The following EFCAB6 variants were observed in gnomAD, a reference collection of about 807,000 sequenced individuals.
EFCAB6 encodes EF-hand calcium-binding domain-containing protein 6.
Under a neutral mutation model 169.8 loss-of-function variants are expected in EFCAB6, and 156 were observed. That is an observed-to-expected ratio of 0.92 (90% CI 0.81 to 1.05). EFCAB6 has a LOEUF of 1.05. EFCAB6 is among the 50% of genes least tolerant of loss of function. The pLI is 0.00. For synonymous variants in EFCAB6, 698 were observed against 676.4 expected (o/e 1.03, Z -0.50); for missense variants, 1,800 against 1,829.1 (o/e 0.98, Z 0.29).
chr22:43,632,808 C>T (rs1340738774), intron 18 of EFCAB6, among the ~76,000 whole-genome samples: 1 of 152,194 alleles, frequency 6.6e-6, no homozygotes, highest in Non-Finnish European at 1.5e-5. Flanking sequence ...ACAGACCGCA[C>T]TTGGCACCCT....
intron 26 of EFCAB6, among the ~76,000 whole-genome samples, chr22:43,562,881 G>A (rs942858490): frequency 1.3e-5 from 2 of 152,154 alleles, no homozygotes; most frequent in Admixed American, 6.5e-5. Context: ...GGTCACAGGT[G>A]GGAGGGCAGT....
At chr22:43,591,111 G>GTTTTTTTTTTTT (rs67053426) in intron 23 of EFCAB6, among the ~76,000 whole-genome samples, 1 of 131,088 alleles carries the variant, frequency 7.6e-6, no homozygotes, top group Non-Finnish European at 1.7e-5. Context: ...TTTGTTTTTT[G>GTTTTTTTTTTTT]TTTTTTTTTT....
At chr22:43,645,735 A>T (rs1485144352) in intron 17 of EFCAB6, among the ~76,000 whole-genome samples, 1 of 152,224 alleles carries the variant, frequency 6.6e-6, no homozygotes, top group East Asian at 1.9e-4. Flanking sequence ...AATGTATAAA[A>T]TTGGACTGCA....
intron 6 of EFCAB6, among the ~76,000 whole-genome samples, chr22:43,752,644 TAG>T (rs760777372): frequency 6.6e-6 from 1 of 152,118 alleles, no homozygotes; most frequent in Non-Finnish European, 1.5e-5. Flanking sequence ...CTCTTGTTTT[TAG>T]AGTCATATTG....
At chr22:43,808,838 A>G (rs756392733) in intron 2 of EFCAB6, among the ~76,000 whole-genome samples, 157 bp downstream of exon 2, 27 of 152,174 alleles carry the variant, frequency 1.8e-4, no homozygotes, top group Admixed American at 3.3e-4. Context: ...GGGATCCCCA[A>G]TGCTTAGGCA....
rs1044179486 is a variant in EFCAB6 at position 43,677,956 on chromosome 22, A to C, written c.1419+40T>G. ...ATTAGGAATACTGAAATTTCCCAACATAAAGAGAAAACCAAACAGGAAGTT... is the reference window on the plus strand; with the variant it reads ...ATTAGGAATACTGAAATTTCCCAACCTAAAGAGAAAACCAAACAGGAAGTT... On this transcript the variant is annotated intron_variant, in intron 13 of 31. Coordinates refer to ENST00000262726, the MANE Select transcript of EFCAB6 (RefSeq NM_022785.4). The C allele has an allele frequency of 4.4e-6, 7 of 1,584,776 alleles. No individual in the cohort carries two copies. The African/African-American group carries it at 6.8e-5, about 15-fold the overall frequency.
intron 11 of EFCAB6, among the ~76,000 whole-genome samples, chr22:43,686,841 C>T (rs1437698806): frequency 6.6e-6 from 1 of 152,098 alleles, no homozygotes; most frequent in Non-Finnish European, 1.5e-5. Flanking sequence ...ACAGGATACG[C>T]ATCAACATAA....
intron 28 of EFCAB6, among the ~76,000 whole-genome samples, chr22:43,539,025 C>T (rs952526088): frequency 6.6e-6 from 1 of 152,168 alleles, no homozygotes; most frequent in Non-Finnish European, 1.5e-5. Flanking sequence ...CTCTCCAAAG[C>T]CAGCAGTGTT....
chr22:43,571,711 T>G (rs1188744519), intron 26 of EFCAB6, among the ~76,000 whole-genome samples: 3 of 152,146 alleles, frequency 2.0e-5, no homozygotes, highest in Non-Finnish European at 4.4e-5. Context: ...GTGGTCTGTC[T>G]CTGCCACCAC....
At chr22:43,716,462 G>A (rs1202124987) in intron 9 of EFCAB6, among the ~76,000 whole-genome samples, 1 of 151,868 alleles carries the variant, frequency 6.6e-6, no homozygotes, top group African/African-American at 2.4e-5. Flanking sequence ...TAATTTTTCA[G>A]AAGAAAAAAT....
chr22:43,710,936 C>T (rs1158290688), intron 10 of EFCAB6, among the ~76,000 whole-genome samples: 1 of 152,124 alleles, frequency 6.6e-6, no homozygotes, highest in Non-Finnish European at 1.5e-5. Flanking sequence ...GCCCCCATAA[C>T]AAACAATCCA....
At chr22:43,539,370 C>T (rs1198516265) in intron 28 of EFCAB6, among the ~76,000 whole-genome samples, 1 of 152,220 alleles carries the variant, frequency 6.6e-6, no homozygotes, top group Non-Finnish European at 1.5e-5. Flanking sequence ...ACAAACTCCA[C>T]AAGAGCAGGA....
chr22:43,702,409 C>A (rs1421454495), intron 10 of EFCAB6, among the ~76,000 whole-genome samples: 1 of 152,200 alleles, frequency 6.6e-6, no homozygotes, highest in East Asian at 1.9e-4. Flanking sequence ...GCCTGAATCA[C>A]CTGTGTGATT....
chr22:43,731,828 C>T lies in EFCAB6; in HGVS notation c.645-17G>A. 6.8e-7 allele frequency: 1 copy of T among 1,475,174 alleles called. No individual in the cohort carries two copies. The highest frequency in any genetic ancestry group is 9.1e-7 in the Non-Finnish European group (1 of 1,095,076). 91.4% of individuals were successfully genotyped at this position (1,475,174 alleles called of 1,614,324 possible). A position where few individuals can be genotyped will look rare whatever the true frequency, so the allele number is the denominator to read the frequency against. ...TTCGAAAACCTAAAATACAAATGTT[C>T]TTTAGTAATGAGAAATTATGAATCT... On this transcript the variant is annotated splice_polypyrimidine_tract_variant and intron_variant, in intron 7 of 31. Transcript: ENST00000262726.
chr22:43,775,534 C>T (rs569357897), intron 3 of EFCAB6, among the ~76,000 whole-genome samples: 1 of 152,320 alleles, frequency 6.6e-6, no homozygotes, highest in South Asian at 2.1e-4. Flanking sequence ...CCTCCACCTC[C>T]TGGGTCCAGG....
intron 20 of EFCAB6, among the ~76,000 whole-genome samples, chr22:43,620,969 C>G (rs2147779772): frequency 6.6e-6 from 1 of 152,240 alleles, no homozygotes. Flanking sequence ...CAGACCATAT[C>G]CAGGGTCATA....
At chr22:43,754,760 T>C (rs975915317) in intron 6 of EFCAB6, among the ~76,000 whole-genome samples, 7 of 152,202 alleles carry the variant, frequency 4.6e-5, no homozygotes, top group South Asian at 2.1e-4. Context: ...GCTGTGATAA[T>C]TGTCATAAAC....
At chr22:43,750,282 C>T (rs1035588889) in intron 6 of EFCAB6, among the ~76,000 whole-genome samples, 5 of 152,108 alleles carry the variant, frequency 3.3e-5, no homozygotes, top group Non-Finnish European at 7.4e-5. Context: ...AAAATGCCAA[C>T]GGATTATTTT....
chr22:43,750,519 A>G (rs2060720373), intron 6 of EFCAB6, among the ~76,000 whole-genome samples: 1 of 152,228 alleles, frequency 6.6e-6, no homozygotes, highest in Non-Finnish European at 1.5e-5. Context: ...TACCTGCTAC[A>G]ATAGGCAATT....
Sources: gnomAD v4.1 joint callset for allele counts (sites outside exome capture counted in the v4.1 genomes callset) on GRCh38, gnomAD v4.1.1 for gene constraint, MANE v1.5 for transcripts, NCBI Gene and HGNC (gene_info 2026-07-23, HGNC 2026-07-21) for gene names.